Variants in ZNF236 observed in about 807,000 individuals in gnomAD.
The protein encoded by ZNF236 is regulated by glucose.
ZNF236 carries 50 observed loss-of-function variants against 191.2 expected under a neutral mutation model. That is an observed-to-expected ratio of 0.26 (90% CI 0.21 to 0.33). The LOEUF (loss-of-function observed/expected upper bound fraction) is 0.33, where lower values mean the gene tolerates loss of function less well. Ranked by LOEUF, ZNF236 falls within the 10% of genes least tolerant of loss-of-function variation. The probability of loss-of-function intolerance (pLI) is 1.00; values close to 1 mark genes in which losing one functional copy is unlikely to be tolerated. For synonymous variants in ZNF236, 907 were observed against 928.8 expected, an observed-to-expected ratio of 0.98 and a Z score of 0.43; for missense variants, 1,754 against 2,374.5, an observed-to-expected ratio of 0.74 and a Z score of 5.43.
chr18:76,870,509 G>A (rs1303836295), intron 4 of ZNF236, among the ~76,000 whole-genome samples: 1 of 152,200 alleles, frequency 6.6e-6, no homozygotes, highest in African/African-American at 2.4e-5. Context: ...GACAGACGAA[G>A]CCTCGCCCTC....
intron 28 of ZNF236, 48 bp downstream of exon 28, chr18:76,956,230 G>C: frequency 6.5e-7 from 1 of 1,534,050 alleles, no homozygotes; most frequent in Non-Finnish European, 8.7e-7. Flanking sequence ...CAGGCGGCTA[G>C]AGATGCGGAG....
chr18:76,829,400 T>C (rs915689933), intron 1 of ZNF236, among the ~76,000 whole-genome samples: 2 of 151,358 alleles, frequency 1.3e-5, no homozygotes, highest in Non-Finnish European at 2.9e-5. Flanking sequence ...TGATCTCGGC[T>C]CACTGTAATC....
intron 1 of ZNF236, among the ~76,000 whole-genome samples, chr18:76,825,901 G>C (rs1414297599): frequency 6.6e-6 from 1 of 152,136 alleles, no homozygotes; most frequent in African/African-American, 2.4e-5. Context: ...ATGAGCCACT[G>C]CTTCCAGCTG....
At chr18:76,923,934 A>C (rs779551758) in intron 21 of ZNF236, among the ~76,000 whole-genome samples, 1 of 152,192 alleles carries the variant, frequency 6.6e-6, no homozygotes, top group East Asian at 1.9e-4. Flanking sequence ...GTGAATGCAG[A>C]GCTGTTGTTA....
rs1468108226 is a variant in ZNF236 at position 76,928,116 on chromosome 18, TTATAATTTTAAA to T, written c.4594+11_4594+22del. On this transcript the variant is annotated intron_variant, in intron 25 of 30. Transcript: ENST00000320610. ...ACCCTGACTATCTCCGGTTAGTAAG[TTATAATTTTAAA>T]CATCTTTTCACCCTGCAATTTAAGT... 4 of 1,599,246 alleles carry T rather than the reference TTATAATTTTAAA, an allele frequency of 2.5e-6. No individual in the cohort carries two copies. The Admixed American group carries it at 5.2e-5, about 21-fold the overall frequency.
chr18:76,903,066 A>G (rs909874109), intron 11 of ZNF236, among the ~76,000 whole-genome samples: 4 of 152,206 alleles, frequency 2.6e-5, no homozygotes, highest in African/African-American at 9.6e-5. Flanking sequence ...TGTGTGGGTT[A>G]TATCACAAGG....
rs558516435 is a variant in ZNF236 at position 76,841,209 on chromosome 18, T to C, written c.56-8317T>C. The C allele has an allele frequency of 3.3e-5, 5 of 152,388 alleles. No individual in the cohort carries two copies. The East Asian group carries it at 5.8e-4, about 18-fold the overall frequency. 9.4% of individuals were successfully genotyped at this position (152,388 alleles called of 1,614,324 possible). A position where few individuals can be genotyped will look rare whatever the true frequency, so the allele number is the denominator to read the frequency against. On this transcript the variant is annotated intron_variant, in intron 1 of 30. Transcript: ENST00000320610. ...ACCTCGGCCTCCCAAAGTGCTGGGA[T>C]TGCAGGCGTGAGCCACCGCACCCGG...
chr18:76,868,921 C>T (rs1976504985), intron 4 of ZNF236, 58 bp downstream of exon 4: 4 of 1,480,380 alleles, frequency 2.7e-6, no homozygotes, highest in African/African-American at 1.4e-5. Flanking sequence ...AAAGCTGGCG[C>T]ACTTTGGTAC....
chr18:76,948,070 G>A (rs1968310138), intron 27 of ZNF236, among the ~76,000 whole-genome samples: 1 of 151,890 alleles, frequency 6.6e-6, no homozygotes, highest in African/African-American at 2.4e-5. Context: ...TTTCATATAC[G>A]TGTGTGTGCG....
chr18:76,841,715 T>C (rs1173346653), intron 1 of ZNF236, among the ~76,000 whole-genome samples: 1 of 143,592 alleles, frequency 7.0e-6, no homozygotes, highest in Non-Finnish European at 1.5e-5. Flanking sequence ...TTTTCTGAGA[T>C]GGAGTTTCAG....
chr18:76,955,829 G>A (rs988183552), intron 27 of ZNF236, among the ~76,000 whole-genome samples, 156 bp from the exon 28 acceptor site: 2 of 152,180 alleles, frequency 1.3e-5, no homozygotes, highest in South Asian at 2.1e-4. Context: ...TGTGGAAGGC[G>A]CCTCTGGCTA....
intron 3 of ZNF236, among the ~76,000 whole-genome samples, chr18:76,856,709 G>A (rs1324963405): frequency 1.3e-5 from 2 of 152,060 alleles, no homozygotes; most frequent in African/African-American, 4.8e-5. Flanking sequence ...CTTGTGTAAA[G>A]TATTTACATT....
At chr18:76,828,487 G>A (rs1198923513) in intron 1 of ZNF236, among the ~76,000 whole-genome samples, 1 of 152,160 alleles carries the variant, frequency 6.6e-6, no homozygotes, top group Admixed American at 6.6e-5. Context: ...CTTTGAAGCG[G>A]CAGGAGGCAG....
intron 30 of ZNF236, among the ~76,000 whole-genome samples, chr18:76,966,052 T>G (rs1337211470): frequency 6.6e-6 from 1 of 152,108 alleles, no homozygotes; most frequent in African/African-American, 2.4e-5. Context: ...CTTGGGCGGG[T>G]CTTGCTGTGG....
intron 1 of ZNF236, among the ~76,000 whole-genome samples, chr18:76,846,282 G>A (rs1227584710): frequency 6.6e-6 from 1 of 152,192 alleles, no homozygotes. Flanking sequence ...ACCTCGTTCT[G>A]AACAACAGAT....
Position 76,895,082 on chromosome 18 carries a change from C to T in ZNF236, c.1487C>T (p.Pro496Leu), listed in dbSNP as rs1229044857. The change falls in exon 10 of 31, where the codon CCC becomes CTC. Residue 496 changes from proline (P) to leucine (L), a missense_variant. Transcript: ENST00000320610. ...TACTGCGCCAAGGAGTTCCGCAAGCCCAGCGACCTGGTCCGCCACATCCGC... is the reference window on the plus strand; with the variant it reads ...TACTGCGCCAAGGAGTTCCGCAAGCTCAGCGACCTGGTCCGCCACATCCGC... ...CPYCAKEFRK[P>L]SDLVRHIRIH... is the part of the protein sequence containing the mutation. The T allele has an allele frequency of 1.9e-6, 3 of 1,611,942 alleles. No homozygotes were observed. The highest frequency in any genetic ancestry group is 2.5e-6 in the Non-Finnish European group (3 of 1,180,012).
intron 9 of ZNF236, chr18:76,886,276 A>G (rs1184325765): frequency 6.6e-6 from 1 of 152,248 alleles, no homozygotes; most frequent in Non-Finnish European, 1.5e-5. Context: ...AATCTAAAGA[A>G]CTGCCAAGCA....
chr18:76,968,480 A>G lies in ZNF236; in HGVS notation c.*141A>G, dbSNP rs976827287. On this transcript the variant is annotated 3_prime_UTR_variant, in exon 31 of 31. Coordinates refer to ENST00000320610, the MANE Select transcript of ZNF236 (RefSeq NM_001306089.2). ...TATCTATAAAATTATCTAAAGAATC[A>G]TTGTCTTTCAGAGACTCATAGGAAA... 14 of 1,430,318 alleles carry G rather than the reference A, an allele frequency of 9.8e-6. No individual in the cohort carries two copies. The African/African-American group carries it at 1.9e-4, about 20-fold the overall frequency. 88.6% of individuals were successfully genotyped at this position (1,430,318 alleles called of 1,614,324 possible). A position where few individuals can be genotyped will look rare whatever the true frequency, so the allele number is the denominator to read the frequency against.
chr18:76,955,060 ATTGTT>A (rs892602531), intron 27 of ZNF236, among the ~76,000 whole-genome samples: 87 of 152,330 alleles, frequency 5.7e-4, no homozygotes, highest in African/African-American at 2.1e-3. Flanking sequence ...TTTCATTATA[ATTGTT>A]TTGTTAAGCC....
Sources: allele counts gnomAD v4.1 joint callset (sites outside exome capture counted in the v4.1 genomes callset), GRCh38; gene constraint gnomAD v4.1.1; transcripts MANE v1.5; gene names NCBI Gene and HGNC (gene_info 2026-07-23, HGNC 2026-07-21).